The following AKAP1 variants were observed in gnomAD, a reference collection of about 807,000 sequenced individuals.
The protein encoded by AKAP1 is A-kinase anchoring protein 1.
Under a neutral mutation model 79.8 loss-of-function variants are expected in AKAP1, and 32 were observed. That is an observed-to-expected ratio of 0.40 (90% CI 0.30 to 0.54). The LOEUF (loss-of-function observed/expected upper bound fraction) is 0.54, where lower values mean the gene tolerates loss of function less well. Ranked by LOEUF, AKAP1 falls within the 20% of genes least tolerant of loss-of-function variation. The pLI is 0.47. For synonymous variants in AKAP1, 416 were observed against 466.7 expected, an observed-to-expected ratio of 0.89 and a Z score of 1.40; for missense variants, 961 against 1,138.9, an observed-to-expected ratio of 0.84 and a Z score of 2.25.
In AKAP1 at chr17:57,105,562, T is replaced by G. The variant is rs147774257; in HGVS notation, c.98T>G (p.Val33Gly). 1,479 of 1,614,122 alleles carry G rather than the reference T, an allele frequency of 9.2e-4. No homozygotes were observed. The highest frequency in any genetic ancestry group is 2.5e-3 in the Middle Eastern group (15 of 6,062). ...TTTTTCTCTCGTAAAAAAGGCCATG[T>G]CAGCAGCCATGATGAGCAGCAGGTG... ...WWFFSRKKGH[V>G]SSHDEQQVEA... The change falls in exon 2 of 11, where the codon GTC (valine) becomes GGC (glycine). Residue 33 changes from valine (V) to glycine (G), a missense_variant. Around this residue, in one of 3 missense-constraint regions of AKAP1, gnomAD observed 108 missense variants for 147.6 expected, o/e 0.73. Transcript: ENST00000337714.
chr17:57,086,837 G>T lies in AKAP1; in HGVS notation c.-25+1439G>T, dbSNP rs1278421098. Among the ~76,000 whole-genome samples the T allele has an allele frequency of 1.3e-5, 2 of 151,552 alleles. No individual in the cohort carries two copies. Among genetic ancestry groups the T allele is most frequent in the Non-Finnish European group, 2.9e-5 (2 of 67,950 alleles). ...CTCTTTATTTAGAAAGCAAAGCTTG[G>T]ACTCTTAGCACCACCCATCCACTTT... On this transcript the variant is annotated intron_variant, in intron 1 of 10. Coordinates refer to ENST00000337714, the MANE Select transcript of AKAP1 (RefSeq NM_003488.4). This position sits in a 1 kb window ranked among gnomAD's most constrained non-coding sequence, Gnocchi z 5.1.
chr17:57,108,129 G>C (rs1915011572), intron 2 of AKAP1: 3 of 774,848 alleles, frequency 3.9e-6, no homozygotes, highest in Non-Finnish European at 5.1e-6. Flanking sequence ...CGAATATCCC[G>C]AGTGGCTCTC....
intron 1 of AKAP1, among the ~76,000 whole-genome samples, chr17:57,100,106 G>T (rs1914395711): frequency 6.6e-6 from 1 of 152,132 alleles, no homozygotes. Flanking sequence ...TAGAGTCTGC[G>T]GCCTTGGGCC....
intron 6 of AKAP1, 109 bp from the exon 7 acceptor site, chr17:57,116,002 A>C (rs2144775642): frequency 1.5e-6 from 2 of 1,307,184 alleles, no homozygotes; most frequent in East Asian, 4.9e-5. Flanking sequence ...TGCACTGTGG[A>C]GGTTGCAGGC....
chr17:57,104,462 C>A (rs73991769), intron 1 of AKAP1, among the ~76,000 whole-genome samples: 1,764 of 152,284 alleles, frequency 0.012, 18 homozygotes, highest in Middle Eastern at 0.027. Flanking sequence ...TCCTGGTAGA[C>A]CCATTGTAAG....
chr17:57,107,950 A>T (rs373139440), intron 2 of AKAP1: 2 of 1,289,592 alleles, frequency 1.6e-6, no homozygotes, highest in South Asian at 1.2e-5. Flanking sequence ...GTGCAGTTGC[A>T]GCTCCACCCC....
Position 57,086,620 on chromosome 17 carries a change from G to C in AKAP1, c.-25+1222G>C, listed in dbSNP as rs1273827766. On this transcript the variant is annotated intron_variant, in intron 1 of 10. Coordinates refer to ENST00000337714, the MANE Select transcript of AKAP1 (RefSeq NM_003488.4). The surrounding 1 kb of genome is among the most constrained non-coding windows in gnomAD (Gnocchi z 5.1). ...TTAACCTGGGTATCTTTCCCCTACTGTAGTGCGCGTTACTTCGTGTTTAGA... is the reference window on the plus strand; with the variant it reads ...TTAACCTGGGTATCTTTCCCCTACTCTAGTGCGCGTTACTTCGTGTTTAGA... 2 of 337,912 alleles carry C rather than the reference G, an allele frequency of 5.9e-6. No individual in the cohort carries two copies. Among genetic ancestry groups the C allele is most frequent in the Non-Finnish European group, 1.2e-5 (2 of 171,250 alleles). 20.9% of individuals were successfully genotyped at this position (337,912 alleles called of 1,614,324 possible).
chr17:57,109,056 G>A (rs913207851), intron 2 of AKAP1, among the ~76,000 whole-genome samples: 2 of 152,230 alleles, frequency 1.3e-5, no homozygotes, highest in African/African-American at 4.8e-5. Flanking sequence ...GCTGGGAGCA[G>A]GATCTCTTGG....
At position 57,106,274 on chromosome 17, in the gene AKAP1, G is replaced by T. The variant is rs781204091; in HGVS notation, c.810G>T (p.Arg270Ser). 1.2e-5 allele frequency: 20 copies of T among 1,614,094 alleles called. No homozygotes were observed. In the East Asian group the frequency reaches 2.2e-4, roughly 18 times the overall value. Residue 270 changes from arginine to serine, a missense_variant, in exon 2 of 11, where the codon AGG (arginine) becomes AGT (serine). Around this residue, in one of 3 missense-constraint regions of AKAP1, gnomAD observed 224 missense variants for 210.2 expected, o/e 1.07. Transcript: ENST00000337714. ...ATGTAGCAGAGAAGTTGCCAAGTAG[G>T]TTCATCGAGTCGGCTCACACAGAGC... ...EEYVAEKLPS[R>S]FIESAHTELA... is the part of the protein sequence containing the mutation.
intron 8 of AKAP1, among the ~76,000 whole-genome samples, chr17:57,117,647 G>C (rs76077137): frequency 2.6e-5 from 4 of 152,212 alleles, no homozygotes; most frequent in African/African-American, 4.8e-5. Flanking sequence ...GGAGCACTGG[G>C]GCAAGATCTT....
rs1160200995 is a variant in AKAP1 at position 57,105,670 on chromosome 17, C to A, written c.206C>A (p.Ser69Tyr). 4 of 1,614,162 alleles carry A rather than the reference C, an allele frequency of 2.5e-6. No homozygotes were observed. Among genetic ancestry groups the A allele is most frequent in the Non-Finnish European group, 3.4e-6 (4 of 1,180,020 alleles). ...GAAGACGTCTGTCCCAAAGTAGTGT[C>A]CACACCCCCCAGTGTCACAGAGCCT... The part of the protein sequence containing the change: ...PVEDVCPKVV[S>Y]TPPSVTEPPE... Residue 69 changes from serine to tyrosine, a missense_variant, in exon 2 of 11, where the codon TCC (serine) becomes TAC (tyrosine). By Grantham distance (144) the Ser-to-Tyr change is moderately radical. Transcript: ENST00000337714.
rs761012823 is a variant in AKAP1, at chr17:57,106,071, G to A, written c.607G>A (p.Glu203Lys). ...GAGGGCAAGAGAGACAGGTGGGGCCGAAGGGACTGGTGATGCCGTGTTGGG... is the reference window on the plus strand; with the variant it reads ...GAGGGCAAGAGAGACAGGTGGGGCCAAAGGGACTGGTGATGCCGTGTTGGG... ...GERARETGGAEGTGDAVLGEK... is the reference protein window; with the variant it reads ...GERARETGGAKGTGDAVLGEK... Residue 203 changes from glutamate (E) to lysine (K), a missense_variant, in exon 2 of 11, where the codon GAA (glutamate) becomes AAA (lysine). Transcript: ENST00000337714. 6.8e-6 allele frequency: 11 copies of A among 1,608,886 alleles called. No homozygotes were observed. The East Asian group carries it at 1.8e-4, about 26-fold the overall frequency.
chr17:57,111,908 G>C lies in AKAP1; in HGVS notation c.1959G>C (p.Gln653His). 6.2e-7 allele frequency: 1 copy of C among 1,613,814 alleles called. No individual in the cohort carries two copies. Among genetic ancestry groups the C allele is most frequent in the Non-Finnish European group, 8.5e-7 (1 of 1,179,830 alleles). ...ISTLPYTQSV[Q>H]ICHIEGSQHH... ...CCCTGCCTTACACCCAGAGCGTCCAGATCTGCCACATAGAAGGTCAGTAAC... is the reference window on the plus strand; with the variant it reads ...CCCTGCCTTACACCCAGAGCGTCCACATCTGCCACATAGAAGGTCAGTAAC... The change falls in exon 4 of 11, where the codon CAG becomes CAC. Residue 653 changes from glutamine to histidine, a missense_variant. By Grantham distance (24) the Gln-to-His change is conservative. Transcript: ENST00000337714.
intron 2 of AKAP1, chr17:57,107,956 AC>A (rs1233269002): frequency 1.6e-6 from 2 of 1,289,298 alleles, no homozygotes; most frequent in Non-Finnish European, 1.0e-6. Flanking sequence ...TTGCAGCTCC[AC>A]CCCCGGGAAA....
At chr17:57,087,010 G>A (rs4794697) in intron 1 of AKAP1, among the ~76,000 whole-genome samples, 29,318 of 152,114 alleles carry the variant, frequency 0.19, 3,067 homozygotes, top group East Asian at 0.4. Flanking sequence ...TATGTTTTGG[G>A]AACCTTTTGA....
intron 2 of AKAP1, 89 bp from the exon 3 acceptor site, chr17:57,109,936 C>A: frequency 6.5e-7 from 1 of 1,547,444 alleles, no homozygotes; most frequent in Admixed American, 1.8e-5. Context: ...GCAGGGCCTC[C>A]TGGGAATGTG....
chr17:57,107,201 T>G (rs1460252867), intron 2 of AKAP1, 23 bp downstream of exon 2: 1 of 1,571,248 alleles, frequency 6.4e-7, no homozygotes, highest in Non-Finnish European at 8.7e-7. Flanking sequence ...CGGGTTCGTT[T>G]AGAGGATGGG....
chr17:57,111,936 C>G lies in AKAP1; in HGVS notation c.1975+12C>G. On this transcript the variant is annotated intron_variant, in intron 4 of 10. Coordinates refer to ENST00000337714, the MANE Select transcript of AKAP1 (RefSeq NM_003488.4). ...CTGCCACATAGAAGGTCAGTAACAT[C>G]TGCTGCTTGTATTGCCTCTTACCTG... The G allele has an allele frequency of 6.2e-7, 1 of 1,608,056 alleles. No homozygotes were observed.
chr17:57,105,565 G>T lies in AKAP1; in HGVS notation c.101G>T (p.Ser34Ile), dbSNP rs753833329. The change falls in exon 2 of 11, where the codon AGC becomes ATC. Residue 34 changes from serine to isoleucine, a missense_variant. Ser to Ile is a moderately radical substitution (Grantham distance 142). Coordinates refer to ENST00000337714, the MANE Select transcript of AKAP1 (RefSeq NM_003488.4). ...TTCTCTCGTAAAAAAGGCCATGTCA[G>T]CAGCCATGATGAGCAGCAGGTGGAG... ...WFFSRKKGHV[S>I]SHDEQQVEAG... 3.1e-6 allele frequency: 5 copies of T among 1,614,136 alleles called. No homozygotes were observed. The East Asian group carries it at 6.7e-5, about 22-fold the overall frequency.
Sources: gnomAD v4.1 joint callset for allele counts (sites outside exome capture counted in the v4.1 genomes callset) on GRCh38, gnomAD v4.1.1 for gene constraint, gnomAD v4.1.1 regional missense constraint, Gnocchi (gnomAD v3.1) non-coding constraint, MANE v1.5 for transcripts, NCBI Gene and HGNC (gene_info 2026-07-23, HGNC 2026-07-21) for gene names.